FRMD4A: variants seen among roughly 807,000 people sequenced by gnomAD.
The protein encoded by FRMD4A is FERM domain-containing protein 4A.
A neutral mutation model predicts 129.1 loss-of-function variants in FRMD4A; 29 were observed. The observed-to-expected ratio is 0.22, with a 90% confidence interval of 0.17 to 0.31. The LOEUF (loss-of-function observed/expected upper bound fraction) is 0.31, where lower values mean the gene tolerates loss of function less well. Among genes scored for constraint, FRMD4A ranks in the 10% least tolerant of loss-of-function variants. FRMD4A has a pLI of 1.00. For missense variants in FRMD4A, 1,272 were observed against 1,375.8 expected (o/e 0.92, Z 1.19); for synonymous variants, 634 against 571.6 (o/e 1.11, Z -1.56).
chr10:14,075,857 C>A (rs149473726), intron 2 of FRMD4A, among the ~76,000 whole-genome samples: 48 of 152,202 alleles, frequency 3.2e-4, no homozygotes, highest in African/African-American at 9.4e-4. Flanking sequence ...GTCATAAAGC[C>A]GGAGAGAGAA....
intron 2 of FRMD4A, among the ~76,000 whole-genome samples, chr10:13,925,273 A>T (rs1048851577): frequency 6.6e-6 from 1 of 152,148 alleles, no homozygotes; most frequent in Non-Finnish European, 1.5e-5. Flanking sequence ...GATCTTGACC[A>T]CTGGGCCAAA....
At chr10:14,201,106 C>A (rs773014735) in intron 2 of FRMD4A, among the ~76,000 whole-genome samples, 1 of 152,202 alleles carries the variant, frequency 6.6e-6, no homozygotes, top group Non-Finnish European at 1.5e-5. Context: ...ACAGACCCCT[C>A]CTCTCAGGTC....
At chr10:14,097,786 A>G (rs1347175326) in intron 2 of FRMD4A, among the ~76,000 whole-genome samples, 2 of 150,794 alleles carry the variant, frequency 1.3e-5, no homozygotes, top group Non-Finnish European at 2.9e-5. Flanking sequence ...GAGATAAAAG[A>G]GAAAAAATCA....
chr10:13,665,241 C>A (rs2082931354), intron 18 of FRMD4A, among the ~76,000 whole-genome samples: 1 of 152,038 alleles, frequency 6.6e-6, no homozygotes, highest in African/African-American at 2.4e-5. Context: ...GTAACCGTCA[C>A]CACCATCCAT....
chr10:14,260,023 C>CAA (rs11288245), intron 2 of FRMD4A, among the ~76,000 whole-genome samples: 62 of 132,800 alleles, frequency 4.7e-4, no homozygotes, highest in African/African-American at 1.3e-3. Flanking sequence ...CTAGAAATGG[C>CAA]AAAAAAAAAA....
At chr10:13,770,334 C>G (rs1159936271) in intron 6 of FRMD4A, among the ~76,000 whole-genome samples, 3 of 152,254 alleles carry the variant, frequency 2.0e-5, no homozygotes, top group Non-Finnish European at 4.4e-5. Flanking sequence ...GCAACCCTAA[C>G]TCTGCCGCGT....
chr10:13,995,819 CT>C (rs112271578), intron 2 of FRMD4A, among the ~76,000 whole-genome samples: 42,736 of 144,164 alleles, frequency 0.3, 7,084 homozygotes, highest in East Asian at 0.72. Context: ...TTCCAGACTG[CT>C]TTTTTTTTTT....
rs1846794175 is a variant in FRMD4A at position 14,317,719 on chromosome 10, GA to G, written c.45+12338del. On this transcript the variant is annotated intron_variant, in intron 2 of 24. Coordinates refer to ENST00000357447, the MANE Select transcript of FRMD4A (RefSeq NM_018027.5). ...AAGGGAGGGAAGAGGAGGGGAGAGG[GA>G]AGGAGAAAGGAGAGGAGAAGACAAG... is the stretch of plus-strand genomic sequence containing the variant. Among the ~76,000 whole-genome samples the G allele has an allele frequency of 2.3e-5, 3 of 128,790 alleles. No individual in the cohort carries two copies. In the South Asian group the frequency reaches 7.5e-4, roughly 32 times the overall value. The allele number at this position is 128,790 out of a possible 152,430, so 84.5% of individuals were successfully genotyped here.
At chr10:13,735,250 G>C (rs1203008280) in intron 12 of FRMD4A, among the ~76,000 whole-genome samples, 1 of 152,208 alleles carries the variant, frequency 6.6e-6, no homozygotes, top group Non-Finnish European at 1.5e-5. Context: ...GTAGGAATGG[G>C]CTGGAAAATT....
At chr10:13,739,523 A>G (rs755564414) in intron 11 of FRMD4A, among the ~76,000 whole-genome samples, 34 of 152,330 alleles carry the variant, frequency 2.2e-4, no homozygotes, top group Non-Finnish European at 4.6e-4. Context: ...TCTAAGTGCC[A>G]AACACCTCTA....
chr10:13,803,587 C>T (rs965498916), intron 4 of FRMD4A, among the ~76,000 whole-genome samples: 13 of 152,106 alleles, frequency 8.5e-5, no homozygotes, highest in African/African-American at 2.9e-4. Context: ...ATCTTCCCAC[C>T]TCAGCCTCCC....
At chr10:13,746,321 C>G (rs2091287751) in intron 9 of FRMD4A, among the ~76,000 whole-genome samples, 1 of 152,184 alleles carries the variant, frequency 6.6e-6, no homozygotes, top group Non-Finnish European at 1.5e-5. Context: ...AGTGATTCTC[C>G]TGCCTCAGCC....
chr10:14,281,212 G>A (rs576946569), intron 2 of FRMD4A, among the ~76,000 whole-genome samples: 17 of 151,898 alleles, frequency 1.1e-4, no homozygotes, highest in African/African-American at 1.7e-4. Flanking sequence ...GCCTGGTCTC[G>A]AGCTCCTGAA....
chr10:14,073,319 T>A (rs1434375997), intron 2 of FRMD4A, among the ~76,000 whole-genome samples: 1 of 151,956 alleles, frequency 6.6e-6, no homozygotes, highest in Non-Finnish European at 1.5e-5. Flanking sequence ...AGGTGACAGA[T>A]GGGATGAAGC....
intron 2 of FRMD4A, among the ~76,000 whole-genome samples, chr10:14,079,249 C>A (rs571017768): frequency 6.6e-6 from 1 of 152,200 alleles, no homozygotes; most frequent in Non-Finnish European, 1.5e-5. Context: ...GGGATTTGAA[C>A]CCCTGCCAGG....
intron 2 of FRMD4A, among the ~76,000 whole-genome samples, chr10:14,290,764 C>A (rs1371902071): frequency 6.6e-6 from 1 of 151,990 alleles, no homozygotes; most frequent in Non-Finnish European, 1.5e-5. Context: ...CTCTGCATAG[C>A]AAAGGATACT....
chr10:14,063,279 G>T (rs1834901457), intron 2 of FRMD4A, among the ~76,000 whole-genome samples: 1 of 151,976 alleles, frequency 6.6e-6, no homozygotes, highest in Non-Finnish European at 1.5e-5. Flanking sequence ...ATGACTCCCA[G>T]ATGTTGATGA....
chr10:14,014,976 C>T (rs2095693683), intron 2 of FRMD4A, among the ~76,000 whole-genome samples: 1 of 37,776 alleles, frequency 2.6e-5, no homozygotes, highest in Admixed American at 2.4e-4. Context: ...CCCTCCCTCC[C>T]TTCCTTTCAT....
intron 2 of FRMD4A, among the ~76,000 whole-genome samples, chr10:14,231,366 G>A (rs1021617432): frequency 6.2e-5 from 9 of 145,956 alleles, no homozygotes; most frequent in African/African-American, 7.7e-5. Context: ...TTTTTGAGAC[G>A]GAGTCTTGCT....
Sources: gnomAD v4.1 joint callset for allele counts (sites outside exome capture counted in the v4.1 genomes callset) on GRCh38, gnomAD v4.1.1 for gene constraint, MANE v1.5 for transcripts, NCBI Gene and HGNC (gene_info 2026-07-23, HGNC 2026-07-21) for gene names.